Variants in MAGI2 observed in about 807,000 individuals in gnomAD.
The protein encoded by MAGI2 is membrane associated guanylate kinase, WW and PDZ domain containing 2, also known as membrane-associated guanylate kinase, WW and PDZ domain-containing protein 2.
A neutral mutation model predicts 133.3 loss-of-function variants in MAGI2; 35 were observed. That is an observed-to-expected ratio of 0.26 (90% CI 0.20 to 0.35). The LOEUF (loss-of-function observed/expected upper bound fraction) is 0.35, where lower values mean the gene tolerates loss of function less well. MAGI2 is among the 10% of genes least tolerant of loss of function. MAGI2 has a pLI of 1.00. For synonymous variants in MAGI2, 729 were observed against 710.6 expected (o/e 1.03, Z -0.41); for missense variants, 1,636 against 1,863.4 (o/e 0.88, Z 2.25).
intron 1 of MAGI2, among the ~76,000 whole-genome samples, chr7:79,307,874 G>A (rs1408181314): frequency 6.6e-6 from 1 of 152,164 alleles, no homozygotes; most frequent in East Asian, 1.9e-4. Context: ...TTAAATTGAA[G>A]ATTAGAAACT....
chr7:79,376,644 G>A (rs1843398227), intron 1 of MAGI2, among the ~76,000 whole-genome samples: 1 of 151,874 alleles, frequency 6.6e-6, no homozygotes, highest in African/African-American at 2.4e-5. Context: ...AACCTAGGTG[G>A]AACAGAGCAG....
intron 9 of MAGI2, among the ~76,000 whole-genome samples, chr7:78,305,248 T>G (rs1393121596): frequency 1.3e-5 from 2 of 152,150 alleles, no homozygotes; most frequent in Admixed American, 1.3e-4. Flanking sequence ...AAGCCTACCC[T>G]TCAGGACACT....
intron 6 of MAGI2, among the ~76,000 whole-genome samples, chr7:78,422,839 T>C (rs926139969): frequency 6.6e-6 from 1 of 152,204 alleles, no homozygotes; most frequent in Non-Finnish European, 1.5e-5. Context: ...GCTTTTCTGA[T>C]AGTATTGTTC....
At chr7:78,208,714 T>C (rs1236306560) in intron 10 of MAGI2, among the ~76,000 whole-genome samples, 1 of 150,682 alleles carries the variant, frequency 6.6e-6, no homozygotes, top group Non-Finnish European at 1.5e-5. Flanking sequence ...TTTTGGGAAA[T>C]CCATCTAGAA....
At chr7:78,570,162 A>C (rs74892181) in intron 3 of MAGI2, among the ~76,000 whole-genome samples, 60 of 152,332 alleles carry the variant, frequency 3.9e-4, no homozygotes, top group Non-Finnish European at 6.6e-4. Flanking sequence ...TGGAATAGCC[A>C]GCTCACAGGG....
Position 79,417,193 on chromosome 7 carries a change from T to C in MAGI2, c.301+35827A>G, listed in dbSNP as rs116890032. On this transcript the variant is annotated intron_variant, in intron 1 of 21. Transcript: ENST00000354212. Reference sequence around the variant, plus strand: ...CAGCTTCCCTTGAAGATCACTTCTGTATAAACACATTATATCTAATTGGTT... The same window carrying C: ...CAGCTTCCCTTGAAGATCACTTCTGCATAAACACATTATATCTAATTGGTT... Among the ~76,000 whole-genome samples the C allele has an allele frequency of 2.1e-3, 313 of 152,292 alleles. 2 individuals are homozygous for C. The highest frequency in any genetic ancestry group is 3.8e-3 in the Non-Finnish European group (260 of 68,004).
At chr7:78,485,431 C>G (rs1204121695) in intron 6 of MAGI2, 1 of 151,928 alleles carries the variant, frequency 6.6e-6, no homozygotes, top group East Asian at 1.9e-4. Context: ...TGTTTAGTAG[C>G]AGTATTATCC....
chr7:79,367,636 A>G (rs1377301793), intron 1 of MAGI2, among the ~76,000 whole-genome samples: 2 of 151,916 alleles, frequency 1.3e-5, no homozygotes, highest in African/African-American at 4.8e-5. Context: ...AATATATGAG[A>G]TAATCTGTAT....
intron 1 of MAGI2, among the ~76,000 whole-genome samples, chr7:79,436,796 A>C (rs4730836): frequency 0.79 from 120,636 of 151,990 alleles, 47,990 homozygotes; most frequent in African/African-American, 0.84. Flanking sequence ...GGAGAATTCT[A>C]AAAGTAATAA....
intron 21 of MAGI2, among the ~76,000 whole-genome samples, chr7:78,077,403 A>AATATAT (rs3084740): frequency 5.4e-4 from 80 of 148,682 alleles, no homozygotes; most frequent in African/African-American, 1.9e-3. Context: ...GCTTATTGAT[A>AATATAT]ATATATATAT....
intron 11 of MAGI2, among the ~76,000 whole-genome samples, chr7:78,195,708 G>T (rs1049633561): frequency 6.6e-6 from 1 of 152,160 alleles, no homozygotes; most frequent in Non-Finnish European, 1.5e-5. Context: ...TTAAAGACCT[G>T]CAGAGTACTT....
intron 3 of MAGI2, among the ~76,000 whole-genome samples, chr7:78,573,344 A>T (rs1199906007): frequency 1.5e-4 from 10 of 68,610 alleles, no homozygotes; most frequent in East Asian, 5.0e-4. Flanking sequence ...ATATATATAT[A>T]TAGAGAGAGA....
chr7:78,884,413 G>T (rs1796110793), intron 2 of MAGI2, among the ~76,000 whole-genome samples: 1 of 152,174 alleles, frequency 6.6e-6, no homozygotes, highest in African/African-American at 2.4e-5. Flanking sequence ...GAGTCTGGGA[G>T]GTCGAGGCTG....
intron 6 of MAGI2, among the ~76,000 whole-genome samples, chr7:78,405,930 A>G (rs1307865615): frequency 1.3e-5 from 2 of 151,828 alleles, no homozygotes; most frequent in African/African-American, 4.8e-5. Context: ...ACAAATTACT[A>G]TAAAATGCAG....
intron 9 of MAGI2, among the ~76,000 whole-genome samples, chr7:78,315,594 T>C (rs1787332409): frequency 6.6e-6 from 1 of 152,148 alleles, no homozygotes; most frequent in African/African-American, 2.4e-5. Context: ...AGACTGAACA[T>C]TATGCCAGAA....
chr7:78,533,919 G>A (rs962516036), intron 3 of MAGI2, among the ~76,000 whole-genome samples: 2 of 152,148 alleles, frequency 1.3e-5, no homozygotes, highest in South Asian at 2.1e-4. Flanking sequence ...ATCAGAAAGA[G>A]TATCAAGAAC....
At chr7:79,237,829 T>A (rs1832058242) in intron 1 of MAGI2, among the ~76,000 whole-genome samples, 1 of 152,228 alleles carries the variant, frequency 6.6e-6, no homozygotes, top group Non-Finnish European at 1.5e-5. Flanking sequence ...TTTCTAATTT[T>A]TCACAATGAT....
chr7:78,822,248 C>T (rs1359457025), intron 2 of MAGI2, among the ~76,000 whole-genome samples: 1 of 151,946 alleles, frequency 6.6e-6, no homozygotes. Context: ...TTCAGAAGCA[C>T]TTATTTTAAT....
intron 2 of MAGI2, among the ~76,000 whole-genome samples, chr7:78,719,150 C>T (rs925503078): frequency 2.6e-5 from 4 of 152,216 alleles, no homozygotes; most frequent in Middle Eastern, 3.4e-3. Context: ...TTTCCCTATA[C>T]CTTCTATGTG....
Sources: allele counts gnomAD v4.1 joint callset (sites outside exome capture counted in the v4.1 genomes callset), GRCh38; gene constraint gnomAD v4.1.1; transcripts MANE v1.5; gene names NCBI Gene and HGNC (gene_info 2026-07-23, HGNC 2026-07-21).